Variants in SANBR observed in about 807,000 individuals in gnomAD.
SANBR encodes the protein SANT and BTB domain regulator of class switch recombination.
A neutral mutation model predicts 101.8 loss-of-function variants in SANBR; 77 were observed. The ratio of observed to expected loss-of-function variants is 0.76; its 90% CI spans 0.63 to 0.91. The LOEUF (loss-of-function observed/expected upper bound fraction) is 0.91. Among genes scored for constraint, SANBR ranks in the 40% least tolerant of loss-of-function variants. The probability of loss-of-function intolerance (pLI) is 0.00; values close to 1 mark genes in which losing one functional copy is unlikely to be tolerated. For synonymous variants in SANBR, 279 were observed against 274.7 expected (o/e 1.02, Z -0.15); for missense variants, 875 against 853.0 (o/e 1.03, Z -0.32).
At chr2:61,072,673 T>G (rs1255265631) in intron 4 of SANBR, among the ~76,000 whole-genome samples, 2 of 152,076 alleles carry the variant, frequency 1.3e-5, no homozygotes, top group African/African-American at 2.4e-5. Context: ...TATCAAAATG[T>G]TCTACTCTAA....
chr2:61,108,647 ATTGT>A (rs1439171495), intron 15 of SANBR, among the ~76,000 whole-genome samples: 1 of 149,510 alleles, frequency 6.7e-6, no homozygotes, highest in Admixed American at 6.7e-5. Context: ...CAGTTATTTG[ATTGT>A]TTGAGTGAAG....
intron 8 of SANBR, among the ~76,000 whole-genome samples, chr2:61,085,580 G>A (rs1046126593): frequency 4.0e-5 from 6 of 151,462 alleles, no homozygotes; most frequent in Admixed American, 1.3e-4. Context: ...ATGAGATCTC[G>A]ACTCTCTGCA....
intron 21 of SANBR, 32 bp downstream of exon 21, chr2:61,121,308 G>C: frequency 6.7e-7 from 1 of 1,486,420 alleles, no homozygotes; most frequent in Non-Finnish European, 9.2e-7. Context: ...CAGAGTGTCA[G>C]TGGCTTTGAA....
chr2:61,066,135 G>A (rs925997228), intron 1 of SANBR, 108 bp downstream of exon 1: 2 of 152,218 alleles, frequency 1.3e-5, no homozygotes, highest in Non-Finnish European at 2.9e-5. Context: ...TCCCACCCCG[G>A]GCGGGGTCCC....
chr2:61,092,494 G>T lies in SANBR; in HGVS notation c.1119G>T (p.Leu373Phe). 3 of 1,602,990 alleles carry T rather than the reference G, an allele frequency of 1.9e-6. No individual in the cohort carries two copies. Among genetic ancestry groups the T allele is most frequent in the Middle Eastern group, 1.7e-4 (1 of 6,042 alleles). Reference protein sequence around the residue: ...RDKTWDVHEYLNSLFEELKSW... With the variant: ...RDKTWDVHEYFNSLFEELKSW... The stretch of plus-strand genomic sequence containing the variant: ...AGACATGGGATGTTCATGAGTATTT[G>T]AATAGTCTTTTCGAAGAATTAAAAT... Residue 373 changes from leucine (L) to phenylalanine (F), a missense_variant, in exon 11 of 22, where the codon TTG becomes TTT. By Grantham distance (22) the Leu-to-Phe change is conservative (BLOSUM62 0). Coordinates refer to ENST00000402291, the MANE Select transcript of SANBR (RefSeq NM_001129993.3).
At chr2:61,089,220 T>G (rs553602977) in intron 10 of SANBR, 51 of 984,258 alleles carry the variant, frequency 5.2e-5, no homozygotes, top group Admixed American at 6.2e-5. Flanking sequence ...AGTATTTCAT[T>G]AATATGTAGG....
exon 21 of SANBR, chr2:61,134,177 G>A (rs1485844083): frequency 4.3e-6 from 7 of 1,613,346 alleles, no homozygotes; most frequent in Non-Finnish European, 5.9e-6. Context: ...GTGTCTAAGA[G>A]CAACAGAAAA....
At chr2:61,077,714 A>G (rs1681870018) in intron 6 of SANBR, among the ~76,000 whole-genome samples, 2 of 152,228 alleles carry the variant, frequency 1.3e-5, no homozygotes, top group Non-Finnish European at 2.9e-5. Context: ...ATGAAATGGA[A>G]AGTCCACTCC....
intron 1 of SANBR, among the ~76,000 whole-genome samples, chr2:61,068,150 T>C (rs1681277956): frequency 6.6e-6 from 1 of 152,096 alleles, no homozygotes; most frequent in East Asian, 1.9e-4. Context: ...AAGAGAGAAA[T>C]AAACAGAAAT....
At chr2:61,121,119 C>A in intron 20 of SANBR, 66 bp from the exon 21 acceptor site, 2 of 1,102,376 alleles carry the variant, frequency 1.8e-6, no homozygotes, top group Non-Finnish European at 2.6e-6. Flanking sequence ...AAAGTAATCC[C>A]ATTTTAATAA....
At chr2:61,111,349 T>C (rs938798255) in intron 16 of SANBR, among the ~76,000 whole-genome samples, 8 of 152,162 alleles carry the variant, frequency 5.3e-5, no homozygotes, top group African/African-American at 1.7e-4. Flanking sequence ...GCCGAGATTG[T>C]GCCACTGCAC....
At chr2:61,088,007 T>G (rs995098845) in intron 8 of SANBR, 152 bp from the exon 9 acceptor site, 14 of 459,564 alleles carry the variant, frequency 3.0e-5, no homozygotes, top group Middle Eastern at 5.8e-4. Flanking sequence ...TTAATTTTAT[T>G]TACTTAGAAC....
intron 20 of SANBR, among the ~76,000 whole-genome samples, chr2:61,120,431 T>G (rs1347415411): frequency 6.6e-6 from 1 of 152,116 alleles, no homozygotes; most frequent in African/African-American, 2.4e-5. Context: ...ACCCGGAAGG[T>G]TGAGGTTGCA....
intron 11 of SANBR, 127 bp from the exon 12 acceptor site, chr2:61,097,573 T>G: frequency 3.0e-6 from 2 of 661,460 alleles, no homozygotes; most frequent in Non-Finnish European, 5.0e-6. Flanking sequence ...ACTTTGTGTC[T>G]GTATAGATTG....
At chr2:61,106,463 C>G (rs1683572655) in intron 13 of SANBR, 100 bp from the exon 14 acceptor site, 1 of 600,396 alleles carries the variant, frequency 1.7e-6, no homozygotes. Flanking sequence ...AACTGTATTT[C>G]TAAAAAGCGA....
chr2:61,124,557 T>C (rs930140797), downstream of SANBR, among the ~76,000 whole-genome samples: 3 of 151,986 alleles, frequency 2.0e-5, no homozygotes, highest in African/African-American at 7.3e-5. Flanking sequence ...ATTAAAAAAA[T>C]TAACCTGGCA....
In SANBR at chr2:61,123,395, C is replaced by CT. The variant is rs1287722153; in HGVS notation, c.*1237dup. 4 of 984,306 alleles carry CT rather than the reference C, an allele frequency of 4.1e-6. No individual in the cohort carries two copies. Among genetic ancestry groups the CT allele is most frequent in the African/African-American group, 3.5e-5 (2 of 57,198 alleles). The allele number at this position is 984,306 out of a possible 1,614,324, so 61.0% of individuals were successfully genotyped here. A position where few individuals can be genotyped will look rare whatever the true frequency, so the allele number is the denominator to read the frequency against. The stretch of plus-strand genomic sequence containing the variant: ...ACAGAAATCATTCTTTTTAGTGAGT[C>CT]TTTTAGTTGATAAATGAAGCTAGAT... On this transcript the variant is annotated 3_prime_UTR_variant, in exon 22 of 22. Transcript: ENST00000402291.
chr2:61,116,097 G>A, intron 17 of SANBR, 27 bp downstream of exon 17: 1 of 1,464,360 alleles, frequency 6.8e-7, no homozygotes, highest in Non-Finnish European at 9.4e-7. Flanking sequence ...TGTTGTTAAA[G>A]TTCATATGGA....
chr2:61,085,883 C>T (rs997572104), intron 8 of SANBR, among the ~76,000 whole-genome samples: 6 of 152,074 alleles, frequency 3.9e-5, no homozygotes, highest in African/African-American at 1.2e-4. Context: ...CAAGTTTTGC[C>T]TATCTTCAAG....
Sources: allele counts gnomAD v4.1 joint callset (sites outside exome capture counted in the v4.1 genomes callset), GRCh38; gene constraint gnomAD v4.1.1; transcripts MANE v1.5; gene names NCBI Gene and HGNC (gene_info 2026-07-23, HGNC 2026-07-21).